Variants in DIPK1C observed in about 807,000 individuals in gnomAD.
DIPK1C encodes the protein divergent protein kinase domain 1C.
Under a neutral mutation model 28.0 loss-of-function variants are expected in DIPK1C, and 33 were observed. The ratio of observed to expected loss-of-function variants is 1.18; its 90% CI spans 0.89 to 1.58. DIPK1C has a LOEUF of 1.58. Among genes scored for constraint, DIPK1C ranks in the 40% most tolerant of loss-of-function variants. The pLI, the probability that DIPK1C is intolerant of heterozygous loss-of-function variation, is 0.00. For synonymous variants in DIPK1C, 255 were observed against 248.8 expected, an observed-to-expected ratio of 1.02 and a Z score of -0.23; for missense variants, 569 against 568.5, an observed-to-expected ratio of 1.00 and a Z score of -0.01.
At chr18:74,448,568 C>G (rs996598271) in intron 1 of DIPK1C, among the ~76,000 whole-genome samples, 1 of 152,178 alleles carries the variant, frequency 6.6e-6, no homozygotes. Context: ...CAAACTCCTT[C>G]CTTGCGTCAC....
chr18:74,451,485 A>T (rs1599041313), intron 1 of DIPK1C, among the ~76,000 whole-genome samples: 1 of 152,238 alleles, frequency 6.6e-6, no homozygotes, highest in African/African-American at 2.4e-5. Context: ...TGTTTAACAC[A>T]AACTGTGCCT....
In DIPK1C at chr18:74,436,323, G is replaced by A; in HGVS notation, c.*178C>T. On this transcript the variant is annotated 3_prime_UTR_variant, in exon 4 of 4. Coordinates refer to ENST00000343998, the MANE Select transcript of DIPK1C (RefSeq NM_001044369.3). ...CACAAGGCGACAGGTCAGAGGCCAG[G>A]GTGGGACGAGAGCGAGGGAGCACTG... is the stretch of plus-strand genomic sequence containing the variant. 1 of 635,282 alleles carries A rather than the reference G, an allele frequency of 1.6e-6. No homozygotes were observed. The highest frequency in any genetic ancestry group is 2.7e-6 in the Non-Finnish European group (1 of 372,662). 39.4% of individuals were successfully genotyped at this position (635,282 alleles called of 1,614,324 possible).
intron 3 of DIPK1C, among the ~76,000 whole-genome samples, chr18:74,439,376 C>A (rs574720388): frequency 1.3e-5 from 2 of 152,328 alleles, no homozygotes; most frequent in African/African-American, 4.8e-5. Flanking sequence ...CAACCCAGCT[C>A]TCCCTGCCTT....
Position 74,441,947 on chromosome 18 carries a change from C to T in DIPK1C, c.1041+5G>A, listed in dbSNP as rs777443779. ...TCCTCCCCCAGCCCTGGCGGACTCT[C>T]ATACCTGCAGGTTGTTGTTTACGCG... On this transcript the variant is annotated splice_donor_5th_base_variant and intron_variant, in intron 3 of 3. Coordinates refer to ENST00000343998, the MANE Select transcript of DIPK1C (RefSeq NM_001044369.3). 2.5e-6 allele frequency: 4 copies of T among 1,612,162 alleles called. No homozygotes were observed. Among genetic ancestry groups the T allele is most frequent in the Admixed American group, 1.7e-5 (1 of 59,682 alleles).
intron 1 of DIPK1C, among the ~76,000 whole-genome samples, chr18:74,456,685 T>C (rs986697098): frequency 6.6e-6 from 1 of 152,170 alleles, no homozygotes; most frequent in African/African-American, 2.4e-5. Flanking sequence ...AACCCCGCAC[T>C]GGCTTGCGCC....
upstream of DIPK1C, among the ~76,000 whole-genome samples, chr18:74,460,682 T>C (rs1376932032): frequency 6.6e-6 from 1 of 152,182 alleles, no homozygotes; most frequent in Admixed American, 6.5e-5. Flanking sequence ...GCCTCGGCCA[T>C]ACTGAACCAC....
At chr18:74,442,387 G>A (rs1986151148) in intron 2 of DIPK1C, among the ~76,000 whole-genome samples, 1 of 152,030 alleles carries the variant, frequency 6.6e-6, no homozygotes, top group Non-Finnish European at 1.5e-5. Context: ...GGAGTGCAGT[G>A]GCGCGATCTG....
At chr18:74,456,701 C>T (rs956308414) in intron 1 of DIPK1C, among the ~76,000 whole-genome samples, 1 of 152,222 alleles carries the variant, frequency 6.6e-6, no homozygotes, top group East Asian at 1.9e-4. Flanking sequence ...GCGCCCCGAG[C>T]CCGGCGGCCT....
intron 1 of DIPK1C, among the ~76,000 whole-genome samples, chr18:74,455,690 T>C (rs1986492319): frequency 7.6e-6 from 1 of 131,634 alleles, no homozygotes; most frequent in African/African-American, 2.9e-5. Flanking sequence ...ATCACGCCAT[T>C]GCACTTTAGC....
intron 3 of DIPK1C, among the ~76,000 whole-genome samples, chr18:74,440,779 G>A (rs973492205): frequency 3.3e-5 from 5 of 152,188 alleles, no homozygotes; most frequent in Non-Finnish European, 5.9e-5. Context: ...ATCGCAAGGC[G>A]GTGGATGCTC....
At chr18:74,443,193 C>T (rs1251977277) in intron 2 of DIPK1C, among the ~76,000 whole-genome samples, 2 of 152,188 alleles carry the variant, frequency 1.3e-5, no homozygotes, top group African/African-American at 4.8e-5. Flanking sequence ...GACTTCAAAA[C>T]CAGAGAGAGA....
rs1986266095 is a variant in DIPK1C at position 74,446,599 on chromosome 18, C to T, written c.876+7G>A. The T allele has an allele frequency of 6.9e-7, 1 of 1,451,042 alleles. No individual in the cohort carries two copies. Among genetic ancestry groups the T allele is most frequent in the African/African-American group, 1.4e-5 (1 of 69,814 alleles). The allele number at this position is 1,451,042 out of a possible 1,614,324, so 89.9% of individuals were successfully genotyped here. A position where few individuals can be genotyped will look rare whatever the true frequency, so the allele number is the denominator to read the frequency against. On this transcript the variant is annotated splice_region_variant and intron_variant, in intron 2 of 3. Coordinates refer to ENST00000343998, the MANE Select transcript of DIPK1C (RefSeq NM_001044369.3). ...TGCACATAAACACACCGACCTGCGCCACTTACTGTGAAGTCGCTCCGGATG... is the reference window on the plus strand; with the variant it reads ...TGCACATAAACACACCGACCTGCGCTACTTACTGTGAAGTCGCTCCGGATG...
At chr18:74,443,183 G>C (rs8084926) in intron 2 of DIPK1C, among the ~76,000 whole-genome samples, 5,325 of 152,258 alleles carry the variant, frequency 0.035, 326 homozygotes, top group African/African-American at 0.12. Flanking sequence ...CAACCAAACA[G>C]ACTTCAAAAC....
In DIPK1C at chr18:74,441,977, G is replaced by A. The variant is rs776503694; in HGVS notation, c.1016C>T (p.Ala339Val). Residue 339 changes from alanine to valine, a missense_variant, in exon 3 of 4, where the codon GCG becomes GTG. By Grantham distance (64) the Ala-to-Val change is moderately conservative. Transcript: ENST00000343998. ...RCDLRVNKCG[A>V]QRVNNNLQVI... ...CTGCAGGTTGTTGTTTACGCGCTGC[G>A]CTCCGCATTTGTTGACTCGTAAATC... 24 of 1,613,898 alleles carry A rather than the reference G, an allele frequency of 1.5e-5. No individual in the cohort carries two copies. The highest frequency in any genetic ancestry group is 3.3e-5 in the South Asian group (3 of 91,048).
At position 74,456,200 on chromosome 18, in the gene DIPK1C, C is replaced by A. The variant is rs150678308; in HGVS notation, c.198+862G>T. Among the ~76,000 whole-genome samples, 353 of 152,360 alleles carry A rather than the reference C, an allele frequency of 2.3e-3. 17 individuals carry two copies. The East Asian group carries it at 0.061, about 26-fold the overall frequency. ...CTTTCTGGGATTTAGGGGACTCCCA[C>A]CTTTACTGAAGTCTCCTTTGCGCCT... is the stretch of plus-strand genomic sequence containing the variant. On this transcript the variant is annotated intron_variant, in intron 1 of 3. Coordinates refer to ENST00000343998, the MANE Select transcript of DIPK1C (RefSeq NM_001044369.3).
chr18:74,462,389 G>A (rs192405563), upstream of DIPK1C, among the ~76,000 whole-genome samples: 11 of 152,292 alleles, frequency 7.2e-5, no homozygotes, highest in South Asian at 6.2e-4. Flanking sequence ...AGGGTCATCC[G>A]TCTTGCACCA....
upstream of DIPK1C, among the ~76,000 whole-genome samples, chr18:74,459,495 AC>A: frequency 2.0e-5 from 3 of 152,322 alleles, no homozygotes; most frequent in African/African-American, 7.2e-5. Context: ...GGTTGATACC[AC>A]AGGAAGTTTT....
At position 74,450,123 on chromosome 18, in the gene DIPK1C, G is replaced by T. The variant is rs184018162; in HGVS notation, c.199-2840C>A. 4.0e-3 allele frequency among the ~76,000 whole-genome samples: 606 copies of T among 152,086 alleles called. 4 individuals are homozygous for T. The highest frequency in any genetic ancestry group is 0.01 in the Middle Eastern group (3 of 294). On this transcript the variant is annotated intron_variant, in intron 1 of 3. Transcript: ENST00000343998. ...GATATAGATGGCAGGAACAGTAAGG[G>T]CTGTTCATTTTACTTGTTGGGGTTT...
Position 74,446,834 on chromosome 18 carries a change from G to T in DIPK1C, c.648C>A (p.Cys216Ter), listed in dbSNP as rs764498424. The stretch of plus-strand genomic sequence containing the variant: ...GGAACTCCACCGCGTAGAAGTGGCC[G>T]CAGGAACCCAGCACGGGCAGCACGT... The part of the protein sequence containing the change: ...SPHVLPVLGS[C>*]GHFYAVEFLA... Residue 216 changes from cysteine to a stop codon, truncating the protein, a stop_gained, in exon 2 of 4, where the codon TGC (cysteine) becomes TGA (stop). Coordinates refer to ENST00000343998, the MANE Select transcript of DIPK1C (RefSeq NM_001044369.3). LOFTEE classifies it high-confidence loss of function. 2.0e-6 allele frequency: 3 copies of T among 1,501,030 alleles called. No individual in the cohort carries two copies. The highest frequency in any genetic ancestry group is 2.7e-6 in the Non-Finnish European group (3 of 1,120,006). The allele number at this position is 1,501,030 out of a possible 1,614,324, so 93.0% of individuals were successfully genotyped here. A position where few individuals can be genotyped will look rare whatever the true frequency, so the allele number is the denominator to read the frequency against.
Sources: allele counts gnomAD v4.1 joint callset (sites outside exome capture counted in the v4.1 genomes callset), GRCh38; gene constraint gnomAD v4.1.1; transcripts MANE v1.5; gene names NCBI Gene and HGNC (gene_info 2026-07-23, HGNC 2026-07-21).